Variants in ADGRL3 observed in about 807,000 individuals in gnomAD.
ADGRL3 encodes the protein calcium-independent alpha-latrotoxin receptor 3.
In ADGRL3, 62 loss-of-function variants were observed where a neutral mutation model predicts 153.5. The ratio of observed to expected loss-of-function variants is 0.40; its 90% CI spans 0.33 to 0.50. The LOEUF (loss-of-function observed/expected upper bound fraction) is 0.50. Ranked by LOEUF, ADGRL3 falls within the 20% of genes least tolerant of loss-of-function variation. The pLI is 0.47. For missense variants in ADGRL3, 1,641 were observed against 1,859.4 expected, an observed-to-expected ratio of 0.88 and a Z score of 2.16; for synonymous variants, 710 against 672.5, an observed-to-expected ratio of 1.06 and a Z score of -0.86.
chr4:61,578,336 C>G (rs898588541), intron 4 of ADGRL3, among the ~76,000 whole-genome samples: 6 of 151,976 alleles, frequency 3.9e-5, no homozygotes, highest in African/African-American at 1.4e-4. Flanking sequence ...TAAAGTGATA[C>G]TTTTAAAGCA....
At chr4:61,554,861 G>A (rs2098757972) in intron 4 of ADGRL3, among the ~76,000 whole-genome samples, 1 of 152,134 alleles carries the variant, frequency 6.6e-6, no homozygotes, top group South Asian at 2.1e-4. Context: ...ACCCCAAAGA[G>A]GGACTTAGAC....
chr4:61,627,771 A>G (rs2092921113), intron 5 of ADGRL3, among the ~76,000 whole-genome samples: 1 of 152,122 alleles, frequency 6.6e-6, no homozygotes, highest in Non-Finnish European at 1.5e-5. Flanking sequence ...TTCTAAGTCC[A>G]CCCTGCCTGC....
intron 1 of ADGRL3, among the ~76,000 whole-genome samples, chr4:61,234,290 A>C (rs1464102158): frequency 1.3e-5 from 2 of 152,172 alleles, no homozygotes; most frequent in East Asian, 3.8e-4. Context: ...GGCAAGATAA[A>C]ATGAGAAATA....
chr4:61,733,954 ATAT>A (rs1007519959), intron 8 of ADGRL3, among the ~76,000 whole-genome samples: 1 of 152,296 alleles, frequency 6.6e-6, no homozygotes, highest in Admixed American at 6.5e-5. Context: ...GGTTAACTTG[ATAT>A]TATGTTTCAG....
intron 8 of ADGRL3, among the ~76,000 whole-genome samples, chr4:61,750,978 C>A (rs151178856): frequency 0.017 from 2,639 of 152,190 alleles, 49 homozygotes; most frequent in Middle Eastern, 0.072. Context: ...GAAGTTGAGC[C>A]GCAGATGTTG....
At chr4:61,736,971 G>A (rs1261558255) in intron 8 of ADGRL3, among the ~76,000 whole-genome samples, 1 of 152,136 alleles carries the variant, frequency 6.6e-6, no homozygotes, top group African/African-American at 2.4e-5. Flanking sequence ...TGCATGATAT[G>A]TGCTGATAGG....
intron 1 of ADGRL3, among the ~76,000 whole-genome samples, chr4:61,304,199 A>G (rs1290830488): frequency 6.6e-6 from 1 of 152,176 alleles, no homozygotes; most frequent in Non-Finnish European, 1.5e-5. Context: ...CATTGTGTGG[A>G]TTGGTTTTCC....
intron 13 of ADGRL3, among the ~76,000 whole-genome samples, chr4:61,930,832 G>A (rs1296344962): frequency 4.0e-5 from 6 of 151,862 alleles, no homozygotes; most frequent in Admixed American, 6.6e-5. Context: ...ATACTCACCC[G>A]TACCTACCCT....
intron 5 of ADGRL3, among the ~76,000 whole-genome samples, chr4:61,590,110 A>G (rs10866123): frequency 0.34 from 51,261 of 151,874 alleles, 9,502 homozygotes; most frequent in East Asian, 0.63. Context: ...TCAGGAACTT[A>G]TACTTTTACT....
intron 9 of ADGRL3, among the ~76,000 whole-genome samples, chr4:61,867,978 A>G (rs567400948): frequency 2.1e-4 from 32 of 152,216 alleles, no homozygotes; most frequent in African/African-American, 7.7e-4. Flanking sequence ...TTGTCACTTT[A>G]TAGCTTTGAT....
At chr4:61,536,712 C>T (rs531613873) in intron 4 of ADGRL3, among the ~76,000 whole-genome samples, 1 of 151,942 alleles carries the variant, frequency 6.6e-6, no homozygotes, top group African/African-American at 2.4e-5. Context: ...CATCCCTGCT[C>T]TTTTTTGTTT....
intron 6 of ADGRL3, among the ~76,000 whole-genome samples, chr4:61,680,505 A>T (rs1004079936): frequency 6.6e-6 from 1 of 151,706 alleles, no homozygotes; most frequent in African/African-American, 2.4e-5. Flanking sequence ...AAATGTAGAA[A>T]AACAAAATTT....
chr4:61,861,480 T>C (rs181701552), intron 9 of ADGRL3, among the ~76,000 whole-genome samples: 1 of 152,170 alleles, frequency 6.6e-6, no homozygotes, highest in African/African-American at 2.4e-5. Context: ...TGAGCAACAA[T>C]CTTGACAAAG....
intron 8 of ADGRL3, among the ~76,000 whole-genome samples, chr4:61,744,373 C>T (rs891832462): frequency 6.6e-6 from 1 of 152,174 alleles, no homozygotes; most frequent in Admixed American, 6.5e-5. Flanking sequence ...GTTCACCCAG[C>T]ACGCAGCTGG....
At chr4:61,350,819 G>A (rs1009292229) in intron 1 of ADGRL3, among the ~76,000 whole-genome samples, 1 of 152,032 alleles carries the variant, frequency 6.6e-6, no homozygotes, top group Non-Finnish European at 1.5e-5. Flanking sequence ...CGGCTGTTTT[G>A]TGTCATCTGT....
chr4:61,520,727 A>G (rs1265512526), intron 4 of ADGRL3, among the ~76,000 whole-genome samples: 2 of 126,334 alleles, frequency 1.6e-5, no homozygotes, highest in Admixed American at 8.4e-5. Flanking sequence ...AAATGCAGGA[A>G]TAGTGTTTTA....
intron 24 of ADGRL3, among the ~76,000 whole-genome samples, chr4:62,043,582 A>G (rs550380018): frequency 6.6e-6 from 1 of 152,208 alleles, no homozygotes; most frequent in African/African-American, 2.4e-5. Flanking sequence ...AACATAACCC[A>G]TTGTAGGCAT....
intron 1 of ADGRL3, among the ~76,000 whole-genome samples, chr4:61,288,754 A>G (rs1207174196): frequency 6.6e-6 from 1 of 152,010 alleles, no homozygotes; most frequent in Non-Finnish European, 1.5e-5. Flanking sequence ...TGTTTTATAT[A>G]GAGGCATGTA....
At chr4:61,694,175 CATTATTTTTTTTTTTTTTTT>C in intron 6 of ADGRL3, among the ~76,000 whole-genome samples, 1 of 51,832 alleles carries the variant, frequency 1.9e-5, no homozygotes, top group African/African-American at 7.9e-5. Context: ...AAAATTTTGT[CATTATTTTTTTTTTTTTTTT>C]TTTTTTTTTT....
Sources: gnomAD v4.1 joint callset for allele counts (sites outside exome capture counted in the v4.1 genomes callset) on GRCh38, gnomAD v4.1.1 for gene constraint, MANE v1.5 for transcripts, NCBI Gene and HGNC (gene_info 2026-07-23, HGNC 2026-07-21) for gene names.